The following INSL6 variants were observed in gnomAD, a reference collection of about 807,000 sequenced individuals.
INSL6 encodes the protein insulin like 6.
INSL6 carries 16 observed loss-of-function variants against 9.4 expected under a neutral mutation model. That is an observed-to-expected ratio of 1.70 (90% CI 1.15 to 2.59). INSL6 has a LOEUF of 2.59. Ranked by LOEUF, INSL6 falls within the 30% of genes most tolerant of loss-of-function variation. The pLI is 0.00. For missense variants in INSL6, 391 were observed against 257.3 expected (o/e 1.52, Z -3.56); for synonymous variants, 154 against 96.9 (o/e 1.59, Z -3.46).
chr9:5,117,748 A>C, the INSL6 span, among the ~76,000 whole-genome samples: 1 of 152,022 alleles, frequency 6.6e-6, no homozygotes, highest in Non-Finnish European at 1.5e-5. Context: ...CACAGAAACA[A>C]AAGTTTTTTG....
chr9:5,084,869 C>A, the INSL6 span: 1 of 388,528 alleles, frequency 2.6e-6, no homozygotes, highest in Non-Finnish European at 5.0e-6. Context: ...AAACAAATTG[C>A]CCATCAATAA....
chr9:5,073,202 T>C, the INSL6 span, among the ~76,000 whole-genome samples: 6 of 152,262 alleles, frequency 3.9e-5, no homozygotes, highest in Non-Finnish European at 7.3e-5. Flanking sequence ...GTGATTGTGA[T>C]TCACTAATCA....
the INSL6 span, among the ~76,000 whole-genome samples, chr9:5,091,839 T>G: frequency 5.3e-5 from 8 of 152,236 alleles, no homozygotes; most frequent in African/African-American, 1.9e-4. Context: ...ATGGGTACTT[T>G]AAGGTTGTTA....
chr9:5,100,062 A>G, the INSL6 span: 1 of 152,218 alleles, frequency 6.6e-6, no homozygotes, highest in Non-Finnish European at 1.5e-5. Context: ...TCAGTCATCT[A>G]CTAATACATT....
chr9:5,092,048 A>T, the INSL6 span, among the ~76,000 whole-genome samples: 1 of 152,174 alleles, frequency 6.6e-6, no homozygotes, highest in Non-Finnish European at 1.5e-5. Flanking sequence ...ATTAATAACA[A>T]TCAGAATTGT....
chr9:5,005,709 C>T, the INSL6 span, among the ~76,000 whole-genome samples: 1 of 151,984 alleles, frequency 6.6e-6, no homozygotes, highest in South Asian at 2.1e-4. Flanking sequence ...TTTTCTATTT[C>T]CTGAGAGAGT....
the INSL6 span, among the ~76,000 whole-genome samples, chr9:5,053,626 G>A: frequency 2.0e-5 from 3 of 151,990 alleles, no homozygotes; most frequent in African/African-American, 4.8e-5. Context: ...AATGAGTTGA[G>A]GGATAAATGG....
chr9:5,082,965 C>A, the INSL6 span, among the ~76,000 whole-genome samples: 3 of 152,224 alleles, frequency 2.0e-5, no homozygotes, highest in Non-Finnish European at 2.9e-5. Context: ...TACATAGACA[C>A]AGTAACACAC....
At chr9:5,015,538 CTTT>C in the INSL6 span, among the ~76,000 whole-genome samples, 6 of 109,624 alleles carry the variant, frequency 5.5e-5, no homozygotes, top group African/African-American at 3.0e-5. Flanking sequence ...TTTTTCTTTT[CTTT>C]TTTTTTTTTT....
At chr9:5,065,900 C>G in the INSL6 span, among the ~76,000 whole-genome samples, 1 of 152,104 alleles carries the variant, frequency 6.6e-6, no homozygotes, top group East Asian at 1.9e-4. Flanking sequence ...TTAGTCTATG[C>G]TTAATATTTA....
chr9:5,019,606 C>A, the INSL6 span, among the ~76,000 whole-genome samples: 2 of 152,078 alleles, frequency 1.3e-5, no homozygotes, highest in Non-Finnish European at 2.9e-5. Flanking sequence ...TCCCTATGTT[C>A]CCATGTTTCT....
chr9:5,172,149 A>G (rs904995086), intron 1 of INSL6, among the ~76,000 whole-genome samples: 1 of 152,172 alleles, frequency 6.6e-6, no homozygotes, highest in African/African-American at 2.4e-5. Context: ...ACCTAAACCA[A>G]TAGAATTTCT....
At position 5,171,057 on chromosome 9, in the gene INSL6, T is replaced by G. The variant is rs139461717; in HGVS notation, c.290-6792A>C. On this transcript the variant is annotated intron_variant, in intron 1 of 1. Coordinates refer to ENST00000381641, the MANE Select transcript of INSL6 (RefSeq NM_007179.3). Reference sequence around the variant, plus strand: ...CAACAAAAAAACTTCAGGCCAATATTCCTGAAGTACACCAATGTAAAAATC... The same window carrying G: ...CAACAAAAAAACTTCAGGCCAATATGCCTGAAGTACACCAATGTAAAAATC... Among the ~76,000 whole-genome samples, 15 of 152,046 alleles carry G rather than the reference T, an allele frequency of 9.9e-5. No homozygotes were observed. In the East Asian group the frequency reaches 2.7e-3, roughly 27 times the overall value.
intron 1 of INSL6, among the ~76,000 whole-genome samples, chr9:5,183,866 C>T (rs1426811606): frequency 2.0e-5 from 3 of 152,086 alleles, no homozygotes; most frequent in Admixed American, 6.6e-5. Flanking sequence ...TAGTTAAAAA[C>T]GAAAAATATC....
At chr9:5,072,402 A>C in the INSL6 span, 2 of 965,414 alleles carry the variant, frequency 2.1e-6, no homozygotes, top group Admixed American at 6.2e-5. Flanking sequence ...TATGGATTTA[A>C]AAAAATTCTT....
chr9:5,010,890 G>A, the INSL6 span, among the ~76,000 whole-genome samples: 1 of 152,160 alleles, frequency 6.6e-6, no homozygotes, highest in Non-Finnish European at 1.5e-5. Context: ...CCAGTAGTAT[G>A]AGAATTATTT....
At chr9:5,052,483 GT>G in the INSL6 span, among the ~76,000 whole-genome samples, 5 of 151,932 alleles carry the variant, frequency 3.3e-5, no homozygotes, top group Non-Finnish European at 7.4e-5. Context: ...TTTTAAAAGA[GT>G]TTATTGAGAT....
chr9:5,047,598 A>G, the INSL6 span, among the ~76,000 whole-genome samples: 2 of 152,074 alleles, frequency 1.3e-5, no homozygotes, highest in Non-Finnish European at 2.9e-5. Context: ...GAAGATGTAA[A>G]TTTCTTAAGT....
At chr9:5,037,803 A>G in the INSL6 span, among the ~76,000 whole-genome samples, 1 of 152,212 alleles carries the variant, frequency 6.6e-6, no homozygotes, top group South Asian at 2.1e-4. Context: ...ACATGTATAC[A>G]TATGTAACTA....
Sources: allele counts gnomAD v4.1 joint callset (sites outside exome capture counted in the v4.1 genomes callset), GRCh38; gene constraint gnomAD v4.1.1; transcripts MANE v1.5; gene names NCBI Gene and HGNC (gene_info 2026-07-23, HGNC 2026-07-21).